The following PLPP4 variants were observed in gnomAD, a reference collection of about 807,000 sequenced individuals.
PLPP4 encodes the protein phospholipid phosphatase 4.
Under a neutral mutation model 32.2 loss-of-function variants are expected in PLPP4, and 20 were observed. That is an observed-to-expected ratio of 0.62 (90% CI 0.44 to 0.90). The LOEUF is 0.90. PLPP4 is among the 40% of genes least tolerant of loss of function. The probability of loss-of-function intolerance (pLI) is 0.00; values close to 1 mark genes in which losing one functional copy is unlikely to be tolerated. For synonymous variants in PLPP4, 127 were observed against 133.0 expected, an observed-to-expected ratio of 0.95 and a Z score of 0.31; for missense variants, 257 against 353.1, an observed-to-expected ratio of 0.73 and a Z score of 2.18.
At chr10:120,558,577 G>A (rs1848271927) in intron 5 of PLPP4, among the ~76,000 whole-genome samples, 1 of 151,638 alleles carries the variant, frequency 6.6e-6, no homozygotes, top group Non-Finnish European at 1.5e-5. Flanking sequence ...CACCACACCT[G>A]GCCAATGTTT....
intron 5 of PLPP4, among the ~76,000 whole-genome samples, chr10:120,554,865 G>T (rs939112575): frequency 4.6e-5 from 7 of 152,076 alleles, no homozygotes; most frequent in African/African-American, 1.7e-4. Flanking sequence ...CTCCCACCAG[G>T]CCCCTCCTCC....
At chr10:120,476,674 G>A (rs1843931951) in intron 1 of PLPP4, among the ~76,000 whole-genome samples, 1 of 152,178 alleles carries the variant, frequency 6.6e-6, no homozygotes, top group African/African-American at 2.4e-5. Flanking sequence ...AGCATCAGGA[G>A]CCAGAATGTG....
At chr10:120,525,264 A>G (rs1273179306) in intron 5 of PLPP4, among the ~76,000 whole-genome samples, 1 of 152,228 alleles carries the variant, frequency 6.6e-6, no homozygotes, top group South Asian at 2.1e-4. Context: ...GCAGTCGCCC[A>G]TGCTCCAAAC....
At chr10:120,578,256 G>A (rs1055318796) in intron 6 of PLPP4, among the ~76,000 whole-genome samples, 1 of 152,262 alleles carries the variant, frequency 6.6e-6, no homozygotes, top group Non-Finnish European at 1.5e-5. Flanking sequence ...TTCCCACTGG[G>A]AGGAGGGATG....
chr10:120,532,894 G>A (rs1418829542), intron 5 of PLPP4, among the ~76,000 whole-genome samples: 1 of 152,046 alleles, frequency 6.6e-6, no homozygotes, highest in African/African-American at 2.4e-5. Flanking sequence ...ATGGACATTT[G>A]GGTTGTTTCC....
intron 5 of PLPP4, among the ~76,000 whole-genome samples, chr10:120,525,689 G>C (rs1230787862): frequency 1.3e-5 from 2 of 152,216 alleles, no homozygotes; most frequent in African/African-American, 2.4e-5. Flanking sequence ...GTACATACAA[G>C]TTACATGTTT....
At chr10:120,555,418 G>T (rs1848113399) in intron 5 of PLPP4, among the ~76,000 whole-genome samples, 1 of 152,078 alleles carries the variant, frequency 6.6e-6, no homozygotes, top group South Asian at 2.1e-4. Context: ...GACTTTATTT[G>T]GTACCACAGT....
At chr10:120,555,164 C>A (rs915620657) in intron 5 of PLPP4, among the ~76,000 whole-genome samples, 1 of 151,860 alleles carries the variant, frequency 6.6e-6, no homozygotes, top group Non-Finnish European at 1.5e-5. Flanking sequence ...CCAAGCAGAA[C>A]CTACATAGCA....
chr10:120,577,758 T>C (rs1201364129), intron 6 of PLPP4, among the ~76,000 whole-genome samples: 1 of 152,228 alleles, frequency 6.6e-6, no homozygotes, highest in African/African-American at 2.4e-5. Context: ...AGTTCAGCTC[T>C]GCCATTATGT....
intron 5 of PLPP4, among the ~76,000 whole-genome samples, chr10:120,545,267 T>C (rs1307752993): frequency 6.6e-6 from 1 of 152,254 alleles, no homozygotes; most frequent in African/African-American, 2.4e-5. Context: ...AGGCTTCCTC[T>C]TTATTTACGA....
intron 5 of PLPP4, among the ~76,000 whole-genome samples, chr10:120,568,766 T>A (rs1848800011): frequency 1.3e-5 from 2 of 152,212 alleles, no homozygotes; most frequent in Non-Finnish European, 2.9e-5. Flanking sequence ...AAAGTTATCC[T>A]GGGGATTTAG....
At chr10:120,570,688 G>T (rs11199412) in intron 5 of PLPP4, among the ~76,000 whole-genome samples, 50,486 of 151,882 alleles carry the variant, frequency 0.33, 8,488 homozygotes, top group Middle Eastern at 0.4. Flanking sequence ...GCAATGACTA[G>T]ACCTTTCTTT....
chr10:120,564,133 T>A (rs1325906022), intron 5 of PLPP4, among the ~76,000 whole-genome samples: 2 of 152,128 alleles, frequency 1.3e-5, no homozygotes, highest in Non-Finnish European at 2.9e-5. Flanking sequence ...CTTTAAATGT[T>A]GCATTAGCTA....
chr10:120,556,825 T>G (rs943912049), intron 5 of PLPP4, among the ~76,000 whole-genome samples: 4 of 152,074 alleles, frequency 2.6e-5, no homozygotes, highest in African/African-American at 9.7e-5. Context: ...TTACTTTGTA[T>G]CCACATCTAC....
intron 5 of PLPP4, among the ~76,000 whole-genome samples, chr10:120,538,050 C>CTGTG (rs1564825186): frequency 1.5e-4 from 3 of 19,804 alleles, no homozygotes; most frequent in Non-Finnish European, 2.8e-4. Flanking sequence ...CTCTCTCTCT[C>CTGTG]TCTGTGTGTG....
intron 1 of PLPP4, among the ~76,000 whole-genome samples, chr10:120,492,579 T>C (rs1844770552): frequency 6.6e-6 from 1 of 152,218 alleles, no homozygotes; most frequent in East Asian, 1.9e-4. Context: ...GCTGAGATAG[T>C]GGCAGTTATC....
At chr10:120,477,572 G>A (rs2075462620) in intron 1 of PLPP4, among the ~76,000 whole-genome samples, 1 of 152,110 alleles carries the variant, frequency 6.6e-6, no homozygotes, top group Admixed American at 6.5e-5. Context: ...GACTGAGCTG[G>A]GTCTGATGCC....
At chr10:120,560,919 G>T (rs946687606) in intron 5 of PLPP4, among the ~76,000 whole-genome samples, 1 of 152,266 alleles carries the variant, frequency 6.6e-6, no homozygotes, top group African/African-American at 2.4e-5. Flanking sequence ...GGAGTCGAAA[G>T]TTATACTCAG....
At chr10:120,566,259 TAGA>T (rs1848685545) in intron 5 of PLPP4, among the ~76,000 whole-genome samples, 1 of 152,206 alleles carries the variant, frequency 6.6e-6, no homozygotes, top group Admixed American at 6.5e-5. Flanking sequence ...TAATTTTTCC[TAGA>T]AGTTTATTTT....
Sources: allele counts gnomAD v4.1 joint callset (sites outside exome capture counted in the v4.1 genomes callset), GRCh38; gene constraint gnomAD v4.1.1; transcripts MANE v1.5; gene names NCBI Gene and HGNC (gene_info 2026-07-23, HGNC 2026-07-21).